Variants in MDGA2 observed in about 807,000 individuals in gnomAD.
MDGA2 encodes the protein MAM domain-containing glycosylphosphatidylinositol anchor protein 2.
In MDGA2, 40 loss-of-function variants were observed where a neutral mutation model predicts 117.8. The observed-to-expected ratio is 0.34, with a 90% CI of 0.26 to 0.44. MDGA2 has a LOEUF of 0.44. MDGA2 is among the 20% of genes least tolerant of loss of function. The pLI, the probability that MDGA2 is intolerant of heterozygous loss-of-function variation, is 1.00. For synonymous variants in MDGA2, 452 were observed against 439.0 expected, an observed-to-expected ratio of 1.03 and a Z score of -0.37; for missense variants, 1,123 against 1,250.6, an observed-to-expected ratio of 0.90 and a Z score of 1.54.
chr14:47,598,310 A>G (rs1024134874), intron 1 of MDGA2, among the ~76,000 whole-genome samples: 4 of 152,224 alleles, frequency 2.6e-5, no homozygotes, highest in African/African-American at 9.6e-5. Context: ...TAGCCCGTCA[A>G]TTCTACTCCC....
intron 1 of MDGA2, among the ~76,000 whole-genome samples, chr14:47,401,677 C>G (rs1197827651): frequency 6.6e-6 from 1 of 152,212 alleles, no homozygotes; most frequent in African/African-American, 2.4e-5. Context: ...TTGTGTGATC[C>G]TGTCTATCTA....
intron 3 of MDGA2, among the ~76,000 whole-genome samples, chr14:47,178,434 T>C (rs1167534954): frequency 6.6e-6 from 1 of 152,200 alleles, no homozygotes; most frequent in Non-Finnish European, 1.5e-5. Flanking sequence ...CCTTTGACTA[T>C]ATTGCCTTTT....
chr14:47,334,544 A>T (rs111806953), intron 1 of MDGA2, among the ~76,000 whole-genome samples: 1 of 151,886 alleles, frequency 6.6e-6, no homozygotes, highest in Non-Finnish European at 1.5e-5. Flanking sequence ...ATTTCTTTAA[A>T]CCACATGCAG....
intron 3 of MDGA2, among the ~76,000 whole-genome samples, chr14:47,182,851 T>G (rs1049146767): frequency 3.9e-5 from 6 of 152,334 alleles, no homozygotes; most frequent in East Asian, 1.9e-4. Flanking sequence ...TGGGTTTTTT[T>G]GGGAAACTTT....
At chr14:47,648,452 T>C (rs913642341) in intron 1 of MDGA2, among the ~76,000 whole-genome samples, 9 of 152,222 alleles carry the variant, frequency 5.9e-5, no homozygotes, top group African/African-American at 9.6e-5. Context: ...GTTCTTTGAG[T>C]GTTTCCCTCA....
intron 7 of MDGA2, chr14:47,058,673 G>A (rs12586158): frequency 0.15 from 151,562 of 984,650 alleles, 12,173 homozygotes; most frequent in East Asian, 0.31. Flanking sequence ...CAGATTTATA[G>A]AACTTTATAC....
chr14:46,921,332 G>A (rs1030954846), intron 9 of MDGA2, among the ~76,000 whole-genome samples: 1 of 151,710 alleles, frequency 6.6e-6, no homozygotes, highest in African/African-American at 2.4e-5. Flanking sequence ...CAGCTGTAGG[G>A]CTCGTGCCTA....
intron 1 of MDGA2, among the ~76,000 whole-genome samples, chr14:47,339,322 C>T (rs149014745): frequency 2.0e-5 from 3 of 152,154 alleles, no homozygotes; most frequent in East Asian, 3.9e-4. Flanking sequence ...GAAAAGAGAA[C>T]ATAATTAATA....
intron 4 of MDGA2, among the ~76,000 whole-genome samples, chr14:47,138,107 A>G (rs1882545265): frequency 6.6e-6 from 1 of 152,212 alleles, no homozygotes; most frequent in Non-Finnish European, 1.5e-5. Context: ...AAGAAAGCAG[A>G]GAATATGTGC....
intron 8 of MDGA2, among the ~76,000 whole-genome samples, chr14:46,990,038 C>T (rs1887024787): frequency 6.6e-6 from 1 of 152,062 alleles, no homozygotes; most frequent in Non-Finnish European, 1.5e-5. Flanking sequence ...CTATATAATA[C>T]AATGTTCCTA....
intron 2 of MDGA2, among the ~76,000 whole-genome samples, chr14:47,264,746 G>A (rs1439841837): frequency 2.0e-5 from 3 of 151,422 alleles, no homozygotes; most frequent in Non-Finnish European, 2.9e-5. Flanking sequence ...AGGTATACAC[G>A]TGCCATGGTA....
In MDGA2 at chr14:47,078,568, T is replaced by G. The variant is rs533914847; in HGVS notation, c.1196-16990A>C. ...TAGGACAGCACAACTCACCAACCTA[T>G]GTACCTGTTTTTTCCTTCTCAAATT... On this transcript the variant is annotated intron_variant, in intron 6 of 16. Transcript: ENST00000399232. Among the ~76,000 whole-genome samples, 136 of 152,296 alleles carry G rather than the reference T, an allele frequency of 8.9e-4. 1 individual carries two copies. Among genetic ancestry groups the G allele is most frequent in the African/African-American group, 3.2e-3 (133 of 41,566 alleles).
chr14:47,064,450 T>C (rs952041407), intron 6 of MDGA2, among the ~76,000 whole-genome samples: 8 of 152,080 alleles, frequency 5.3e-5, no homozygotes, highest in Non-Finnish European at 7.4e-5. Context: ...AATGTTCAGA[T>C]AAAAGGTGTG....
chr14:47,242,973 C>A (rs1265617489), intron 2 of MDGA2, among the ~76,000 whole-genome samples: 2 of 151,822 alleles, frequency 1.3e-5, no homozygotes, highest in East Asian at 1.9e-4. Context: ...CCAATCAGCA[C>A]CCTGTGTTTA....
At chr14:47,306,879 CAGAT>C (rs1889468709) in intron 1 of MDGA2, among the ~76,000 whole-genome samples, 1 of 125,252 alleles carries the variant, frequency 8.0e-6, no homozygotes, top group Non-Finnish European at 1.7e-5. Flanking sequence ...GGCAGATAGA[CAGAT>C]AGAGACAGAC....
intron 1 of MDGA2, among the ~76,000 whole-genome samples, chr14:47,617,537 T>C (rs59272190): frequency 0.028 from 4,194 of 152,246 alleles, 119 homozygotes; most frequent in African/African-American, 0.072. Context: ...ACTGGTGAGC[T>C]TGCATGCTGC....
chr14:47,195,883 CAA>C (rs1276170034), intron 3 of MDGA2, among the ~76,000 whole-genome samples: 4 of 151,916 alleles, frequency 2.6e-5, no homozygotes, highest in African/African-American at 9.7e-5. Context: ...AAAACTGACA[CAA>C]AGAGAAAATG....
chr14:47,395,437 G>A (rs189050981), intron 1 of MDGA2, among the ~76,000 whole-genome samples: 18 of 152,088 alleles, frequency 1.2e-4, no homozygotes, highest in Admixed American at 6.5e-4. Flanking sequence ...ACAATATTTC[G>A]TCTTTAATAT....
intron 1 of MDGA2, among the ~76,000 whole-genome samples, chr14:47,346,366 C>T (rs1890762613): frequency 6.6e-6 from 1 of 152,142 alleles, no homozygotes; most frequent in South Asian, 2.1e-4. Flanking sequence ...TGCTAGGCAT[C>T]ATATAATCTT....
Sources: allele counts gnomAD v4.1 joint callset (sites outside exome capture counted in the v4.1 genomes callset), GRCh38; gene constraint gnomAD v4.1.1; transcripts MANE v1.5; gene names NCBI Gene and HGNC (gene_info 2026-07-23, HGNC 2026-07-21).